The following SPATA13 variants were observed in gnomAD, a reference collection of about 807,000 sequenced individuals.
SPATA13 encodes spermatogenesis associated 13.
In SPATA13, 50 loss-of-function variants were observed where a neutral mutation model predicts 104.0. The observed-to-expected ratio is 0.48, with a 90% CI of 0.38 to 0.61. SPATA13 has a LOEUF of 0.61. SPATA13 is among the 20% of genes least tolerant of loss of function. SPATA13 has a pLI of 0.00. For synonymous variants in SPATA13, 606 were observed against 667.5 expected, an observed-to-expected ratio of 0.91 and a Z score of 1.42; for missense variants, 1,524 against 1,690.6, an observed-to-expected ratio of 0.90 and a Z score of 1.73.
intron 2 of SPATA13, among the ~76,000 whole-genome samples, chr13:24,241,608 A>G (rs185754678): frequency 1.1e-4 from 16 of 152,346 alleles, no homozygotes; most frequent in Admixed American, 4.6e-4. Context: ...GACAGGTGGA[A>G]AGAGCCAGGG....
intron 3 of SPATA13, among the ~76,000 whole-genome samples, chr13:24,124,781 G>T (rs560091359): frequency 2.0e-5 from 3 of 152,092 alleles, no homozygotes; most frequent in African/African-American, 7.2e-5. Context: ...ATCATCAATT[G>T]TTGGTCCATT....
At chr13:24,131,267 G>A (rs553813081) in intron 3 of SPATA13, among the ~76,000 whole-genome samples, 1 of 152,230 alleles carries the variant, frequency 6.6e-6, no homozygotes, top group East Asian at 1.9e-4. Context: ...TCACGTATGG[G>A]CATATCTTGT....
intron 3 of SPATA13, among the ~76,000 whole-genome samples, chr13:24,023,230 T>A (rs1320760853): frequency 6.6e-6 from 1 of 152,126 alleles, no homozygotes; most frequent in Non-Finnish European, 1.5e-5. Flanking sequence ...GATTTCCAAC[T>A]TCATCCATGT....
chr13:24,196,277 C>T (rs1461512173), intron 1 of SPATA13, among the ~76,000 whole-genome samples: 1 of 152,046 alleles, frequency 6.6e-6, no homozygotes, highest in Non-Finnish European at 1.5e-5. Flanking sequence ...TGAGGCTTGG[C>T]ATAAACCCTT....
chr13:23,983,441 A>G (rs1460935400), intron 1 of SPATA13, among the ~76,000 whole-genome samples: 1 of 152,200 alleles, frequency 6.6e-6, no homozygotes, highest in Non-Finnish European at 1.5e-5. Flanking sequence ...ATTCTGAGGT[A>G]CTGGAGTCAG....
chr13:24,043,163 C>T (rs1027193471), intron 3 of SPATA13, among the ~76,000 whole-genome samples: 5 of 152,160 alleles, frequency 3.3e-5, no homozygotes, highest in East Asian at 3.9e-4. Flanking sequence ...CGGTGTTCTC[C>T]GCACCGCCTC....
rs1316919954 is a variant in SPATA13, at chr13:24,223,611, A to G, written c.682A>G (p.Thr228Ala). The G allele has an allele frequency of 6.4e-7, 1 of 1,551,470 alleles. No individual in the cohort carries two copies. The highest frequency in any genetic ancestry group is 8.7e-7 in the Non-Finnish European group (1 of 1,147,020). The change falls in exon 2 of 13, where the codon ACT becomes GCT. Residue 228 changes from threonine to alanine, a missense_variant. Coordinates refer to ENST00000382108, the MANE Select transcript of SPATA13 (RefSeq NM_001166271.3). Reference protein sequence around the residue: ...PQNHATPTIATGQVPAVCEIL... With the variant: ...PQNHATPTIAAGQVPAVCEIL... ...GAACCATGCGACACCCACGATAGCCACTGGCCAGGTGCCCGCCGTGTGTGA... is the reference window on the plus strand; with the variant it reads ...GAACCATGCGACACCCACGATAGCCGCTGGCCAGGTGCCCGCCGTGTGTGA...
At chr13:24,297,279 T>G (rs1876850060) in intron 10 of SPATA13, 84 bp from the exon 11 acceptor site, 1 of 1,492,580 alleles carries the variant, frequency 6.7e-7, no homozygotes, top group South Asian at 1.3e-5. Flanking sequence ...GCCTCAACGA[T>G]CCTCCCACCT....
chr13:24,301,975 T>C (rs1264474963), intron 12 of SPATA13, among the ~76,000 whole-genome samples: 1 of 152,168 alleles, frequency 6.6e-6, no homozygotes, highest in African/African-American at 2.4e-5. Context: ...AGAAATCATA[T>C]CATTTCCCCA....
At position 24,224,470 on chromosome 13, in the gene SPATA13, G is replaced by T. The variant is rs79284638; in HGVS notation, c.1541G>T (p.Gly514Val). 1,256 of 1,551,388 alleles carry T rather than the reference G, an allele frequency of 8.1e-4. 5 individuals carry two copies. The African/African-American group carries it at 0.015, about 19-fold the overall frequency. Reference sequence around the variant, plus strand: ...GAAGAGCCTGCTCAGAGAGAGCCAGGGCCTGTGTCCTTGCAGGATCCCCTG... The same window carrying T: ...GAAGAGCCTGCTCAGAGAGAGCCAGTGCCTGTGTCCTTGCAGGATCCCCTG... Reference protein sequence around the residue: ...RAEEPAQREPGPVSLQDPLEA... With the variant: ...RAEEPAQREPVPVSLQDPLEA... Residue 514 changes from glycine to valine, a missense_variant, in exon 2 of 13, where the codon GGG (glycine) becomes GTG (valine). This residue lies in a region of SPATA13 where 1,089 missense variants were observed against 1,135.9 expected (regional missense o/e 0.96). Transcript: ENST00000382108.
At chr13:24,017,798 C>A in intron 3 of SPATA13, 2 of 651,778 alleles carry the variant, frequency 3.1e-6, no homozygotes, top group Non-Finnish European at 3.8e-6. Flanking sequence ...TGTATGTTAA[C>A]TCCGTAATCC....
intron 3 of SPATA13, among the ~76,000 whole-genome samples, chr13:24,074,323 T>A (rs996157922): frequency 6.6e-6 from 1 of 152,272 alleles, no homozygotes; most frequent in Admixed American, 6.5e-5. Context: ...CGTGGTAGCA[T>A]GTGCTAGGAT....
intron 3 of SPATA13, among the ~76,000 whole-genome samples, chr13:24,054,071 G>T (rs891602800): frequency 5.9e-5 from 9 of 152,100 alleles, no homozygotes; most frequent in Non-Finnish European, 1.0e-4. Flanking sequence ...CCTGTGCTCA[G>T]GGCCACCGTG....
At chr13:24,268,344 T>C (rs1874389041) in intron 4 of SPATA13, among the ~76,000 whole-genome samples, 1 of 152,206 alleles carries the variant, frequency 6.6e-6, no homozygotes, top group Non-Finnish European at 1.5e-5. Context: ...AAAAACAGTA[T>C]CGAGGAGTCT....
intron 3 of SPATA13, among the ~76,000 whole-genome samples, chr13:24,082,113 G>A (rs1035987447): frequency 9.2e-5 from 14 of 152,326 alleles, no homozygotes; most frequent in African/African-American, 3.4e-4. Context: ...GCCACTTACT[G>A]CAATCTACTG....
chr13:24,128,908 T>C (rs1881307618), intron 3 of SPATA13, among the ~76,000 whole-genome samples: 1 of 152,310 alleles, frequency 6.6e-6, no homozygotes, highest in African/African-American at 2.4e-5. Flanking sequence ...TTTTATACTT[T>C]TTTTTCTCAC....
intron 3 of SPATA13, among the ~76,000 whole-genome samples, chr13:24,044,856 G>A (rs1878070757): frequency 7.0e-6 from 1 of 142,196 alleles, no homozygotes; most frequent in Non-Finnish European, 1.5e-5. Context: ...ATCTCCTGGA[G>A]ACAGTAAATA....
rs1340201976 is a variant in SPATA13 at position 24,290,888 on chromosome 13, AG to A, written c.3080+8del. On this transcript the variant is annotated splice_donor_5th_base_variant and intron_variant, in intron 9 of 12. Transcript: ENST00000382108. ...AGTATACCACACAGGAACACGGGTG[AG>A]GGGCATGGGTAAGGGGCACAGGTGA... The A allele has an allele frequency of 2.5e-6, 4 of 1,612,378 alleles. No homozygotes were observed. The African/African-American group carries it at 4.0e-5, about 16-fold the overall frequency.
chr13:24,021,697 G>A (rs1229222168), intron 3 of SPATA13, among the ~76,000 whole-genome samples: 1 of 151,594 alleles, frequency 6.6e-6, no homozygotes, highest in Non-Finnish European at 1.5e-5. Context: ...GTCATACTCT[G>A]TGAAGGTTGT....
Sources: allele counts gnomAD v4.1 joint callset (sites outside exome capture counted in the v4.1 genomes callset), GRCh38; gene constraint gnomAD v4.1.1; regional missense constraint gnomAD v4.1.1; transcripts MANE v1.5; gene names NCBI Gene and HGNC (gene_info 2026-07-23, HGNC 2026-07-21).